Variants in FOXP1 observed in about 807,000 individuals in gnomAD.
FOXP1 encodes forkhead box protein P1.
In FOXP1, 15 loss-of-function variants were observed where a neutral mutation model predicts 98.2. The observed-to-expected ratio is 0.15, with a 90% CI of 0.10 to 0.24. The LOEUF is 0.24. Ranked by LOEUF, FOXP1 falls within the 10% of genes least tolerant of loss-of-function variation. The pLI is 1.00. For missense variants in FOXP1, 633 were observed against 848.5 expected, an observed-to-expected ratio of 0.75 and a Z score of 3.15; for synonymous variants, 371 against 314.5, an observed-to-expected ratio of 1.18 and a Z score of -1.90.
chr3:71,085,604 C>G (rs1357162327), intron 7 of FOXP1, among the ~76,000 whole-genome samples: 1 of 152,042 alleles, frequency 6.6e-6, no homozygotes, highest in Admixed American at 6.6e-5. Flanking sequence ...TCATCAACAA[C>G]AATCCAGTGA....
intron 3 of FOXP1, among the ~76,000 whole-genome samples, chr3:71,377,091 T>C (rs908469260): frequency 6.6e-6 from 1 of 152,160 alleles, no homozygotes; most frequent in Non-Finnish European, 1.5e-5. Context: ...CGTGAGTCAA[T>C]GTTTCCTTGG....
chr3:71,547,200 G>A (rs887928547), intron 2 of FOXP1, among the ~76,000 whole-genome samples: 3 of 152,180 alleles, frequency 2.0e-5, no homozygotes, highest in African/African-American at 7.2e-5. Flanking sequence ...TTCTTCTTAG[G>A]TAGTTTAGGA....
At chr3:71,283,897 C>G (rs1299145653) in intron 5 of FOXP1, among the ~76,000 whole-genome samples, 2 of 152,106 alleles carry the variant, frequency 1.3e-5, no homozygotes, top group East Asian at 3.9e-4. Context: ...GTATAGTGGC[C>G]TCCCAATGAC....
chr3:71,226,429 C>T (rs1455237441), intron 5 of FOXP1, among the ~76,000 whole-genome samples: 1 of 152,048 alleles, frequency 6.6e-6, no homozygotes, highest in Non-Finnish European at 1.5e-5. Context: ...CTCCTGCCAG[C>T]CTCACTGCTC....
At chr3:71,230,414 G>A (rs1560152784) in intron 5 of FOXP1, among the ~76,000 whole-genome samples, 2 of 152,158 alleles carry the variant, frequency 1.3e-5, no homozygotes, top group Non-Finnish European at 2.9e-5. Context: ...GTAGTACTGT[G>A]TGTTCAATGC....
Position 71,041,475 on chromosome 3 carries a change from G to A in FOXP1, c.722C>T (p.Ala241Val). 6.2e-7 allele frequency: 1 copy of A among 1,613,886 alleles called. No individual in the cohort carries two copies. ...GTGATTGTTGCCTGTGGTTTCTTCT[G>A]CAGTATGAGCACTTGTCACTTCTTT... is the stretch of plus-strand genomic sequence containing the variant. ...LWKEVTSAHT[A>V]EETTGNNHSS... Residue 241 changes from alanine (A) to valine (V), a missense_variant, in exon 11 of 21, where the codon GCA becomes GTA. Physicochemically the swap from Ala to Val is moderately conservative, Grantham distance 64. Coordinates refer to ENST00000649528, the MANE Select transcript of FOXP1 (RefSeq NM_001349338.3).
chr3:71,049,127 C>G (rs2049463672), intron 9 of FOXP1, among the ~76,000 whole-genome samples: 1 of 152,136 alleles, frequency 6.6e-6, no homozygotes, highest in African/African-American at 2.4e-5. Flanking sequence ...GTGCAGTCCC[C>G]TCGGCAGGTC....
At chr3:71,018,241 G>C (rs1363215701) in intron 11 of FOXP1, among the ~76,000 whole-genome samples, 1 of 152,054 alleles carries the variant, frequency 6.6e-6, no homozygotes, top group Non-Finnish European at 1.5e-5. Context: ...TTTACTTTTA[G>C]TTCAACTTGT....
At chr3:70,984,876 T>TGAGTC (rs1235791723) in intron 14 of FOXP1, among the ~76,000 whole-genome samples, 3 of 152,202 alleles carry the variant, frequency 2.0e-5, no homozygotes, top group Non-Finnish European at 4.4e-5. Context: ...CCAAATCTGA[T>TGAGTC]GAGTCCCACA....
chr3:71,222,818 C>A (rs1359155952), intron 5 of FOXP1, among the ~76,000 whole-genome samples: 1 of 152,076 alleles, frequency 6.6e-6, no homozygotes, highest in Non-Finnish European at 1.5e-5. Context: ...CCCAACAAGC[C>A]CTTCTCTCCT....
intron 7 of FOXP1, among the ~76,000 whole-genome samples, chr3:71,083,559 C>T (rs1055210334): frequency 3.9e-4 from 59 of 152,130 alleles, no homozygotes; most frequent in African/African-American, 1.3e-3. Context: ...CAAGGGATTT[C>T]GCTGGAATTA....
chr3:70,998,812 T>C (rs562181411), intron 13 of FOXP1, among the ~76,000 whole-genome samples: 2 of 152,350 alleles, frequency 1.3e-5, no homozygotes, highest in South Asian at 4.1e-4. Context: ...CTTAATTTAC[T>C]GATGATGGTC....
intron 13 of FOXP1, among the ~76,000 whole-genome samples, chr3:70,997,135 G>A (rs978242544): frequency 1.3e-5 from 2 of 152,214 alleles, no homozygotes; most frequent in African/African-American, 4.8e-5. Context: ...TAAAGGAGGT[G>A]ATGCACCAGT....
At chr3:71,135,255 CAAAAA>C (rs11285510) in intron 6 of FOXP1, among the ~76,000 whole-genome samples, 3 of 76,342 alleles carry the variant, frequency 3.9e-5, no homozygotes, top group African/African-American at 5.2e-5. Context: ...GCCTCCGTCT[CAAAAA>C]AAAAAAAAAA....
In FOXP1 at chr3:71,575,388, G is replaced by T. The variant is rs371896152; in HGVS notation, c.-298+6161C>A. On this transcript the variant is annotated intron_variant, in intron 2 of 20. Coordinates refer to ENST00000649528, the MANE Select transcript of FOXP1 (RefSeq NM_001349338.3). ...CAAGGGAAGTTTGTTATAAATGTAC[G>T]TTACCATGTCAATCAGCAAAAATTC... 8.5e-5 allele frequency among the ~76,000 whole-genome samples: 13 copies of T among 152,122 alleles called. No individual in the cohort carries two copies. The East Asian group carries it at 1.5e-3, about 18-fold the overall frequency.
chr3:71,077,388 G>A (rs1453421750), intron 7 of FOXP1, among the ~76,000 whole-genome samples: 1 of 152,202 alleles, frequency 6.6e-6, no homozygotes, highest in East Asian at 1.9e-4. Flanking sequence ...TATGACCTAA[G>A]TGGGGAGTGG....
At chr3:71,304,422 T>C (rs1255881658) in intron 4 of FOXP1, among the ~76,000 whole-genome samples, 1 of 152,210 alleles carries the variant, frequency 6.6e-6, no homozygotes, top group African/African-American at 2.4e-5. Context: ...TCACCTTTAG[T>C]GTGCAATAAG....
rs2091201939 is a variant in FOXP1, at chr3:71,493,404, T to TCA, written c.-168+20_-168+21dup. 1.3e-5 allele frequency: 2 copies of TCA among 152,188 alleles called. 1 individual carries two copies. Among genetic ancestry groups the TCA allele is most frequent in the South Asian group, 4.1e-4 (2 of 4,830 alleles). 9.4% of individuals were successfully genotyped at this position (152,188 alleles called of 1,614,324 possible). ...GTCTTGTGAATTTTCAGATGAATAA[T>TCA]CACAAACATTCATTCACTCACCCTT... On this transcript the variant is annotated intron_variant, in intron 3 of 20. Transcript: ENST00000649528.
intron 6 of FOXP1, among the ~76,000 whole-genome samples, chr3:71,194,373 C>T (rs2063178880): frequency 6.6e-6 from 1 of 151,760 alleles, no homozygotes; most frequent in South Asian, 2.1e-4. Flanking sequence ...ATTGAATAAA[C>T]ATTTTCTAGT....
Sources: gnomAD v4.1 joint callset for allele counts (sites outside exome capture counted in the v4.1 genomes callset) on GRCh38, gnomAD v4.1.1 for gene constraint, MANE v1.5 for transcripts, NCBI Gene and HGNC (gene_info 2026-07-23, HGNC 2026-07-21) for gene names.